NELL2: variants seen among roughly 807,000 people sequenced by gnomAD.
The protein encoded by NELL2 is neural EGFL like 2.
In NELL2, 41 loss-of-function variants were observed where a neutral mutation model predicts 109.6. The observed-to-expected ratio is 0.37, with a 90% CI of 0.29 to 0.49. The LOEUF (loss-of-function observed/expected upper bound fraction) is 0.49, where lower values mean the gene tolerates loss of function less well. Ranked by LOEUF, NELL2 falls within the 20% of genes least tolerant of loss-of-function variation. NELL2 has a pLI of 0.98. For synonymous variants in NELL2, 355 were observed against 344.7 expected, an observed-to-expected ratio of 1.03 and a Z score of -0.33; for missense variants, 900 against 1,008.3, an observed-to-expected ratio of 0.89 and a Z score of 1.45.
chr12:44,558,039 G>C (rs10748398), intron 15 of NELL2, among the ~76,000 whole-genome samples: 7 of 151,970 alleles, frequency 4.6e-5, no homozygotes, highest in Non-Finnish European at 8.8e-5. Flanking sequence ...AAATAGAGAC[G>C]GGAAATACAG....
intron 3 of NELL2, among the ~76,000 whole-genome samples, chr12:44,786,811 G>A (rs1471047146): frequency 6.6e-6 from 1 of 152,142 alleles, no homozygotes; most frequent in Non-Finnish European, 1.5e-5. Context: ...TCACTCATAA[G>A]TGGGAGTTGA....
chr12:44,832,865 T>C (rs1370474817), intron 2 of NELL2, among the ~76,000 whole-genome samples: 1 of 152,210 alleles, frequency 6.6e-6, no homozygotes, highest in Non-Finnish European at 1.5e-5. Context: ...TAGTCCTTTC[T>C]AGCATTCTAA....
intron 2 of NELL2, among the ~76,000 whole-genome samples, chr12:44,831,453 A>G (rs1188909665): frequency 6.6e-6 from 1 of 152,192 alleles, no homozygotes; most frequent in African/African-American, 2.4e-5. Context: ...AATGAAGATC[A>G]GGAATAATCC....
chr12:44,529,970 C>A (rs1941966823), intron 16 of NELL2, among the ~76,000 whole-genome samples: 1 of 152,158 alleles, frequency 6.6e-6, no homozygotes. Flanking sequence ...GGCCGCCACT[C>A]CTGACTCTTT....
intron 13 of NELL2, among the ~76,000 whole-genome samples, chr12:44,647,558 T>G (rs1947138075): frequency 6.6e-6 from 1 of 152,084 alleles, no homozygotes; most frequent in South Asian, 2.1e-4. Flanking sequence ...GCTATAGAAA[T>G]GCAGATGAAA....
At chr12:44,894,429 A>G (rs545509114) in intron 1 of NELL2, among the ~76,000 whole-genome samples, 5 of 152,362 alleles carry the variant, frequency 3.3e-5, no homozygotes, top group African/African-American at 1.2e-4. Context: ...ATTTTTATCT[A>G]AAGCAAGGTA....
chr12:44,701,758 C>G (rs958732592), intron 12 of NELL2, among the ~76,000 whole-genome samples: 9 of 152,018 alleles, frequency 5.9e-5, no homozygotes, highest in African/African-American at 9.7e-5. Context: ...ACTGCAATAG[C>G]CTTCCAACTC....
intron 3 of NELL2, among the ~76,000 whole-genome samples, chr12:44,811,574 G>T (rs1278248526): frequency 2.6e-5 from 4 of 151,984 alleles, no homozygotes; most frequent in Admixed American, 2.0e-4. Flanking sequence ...CACTGTGCCT[G>T]GCTAGTATTT....
In NELL2 at chr12:44,876,262, C is replaced by G; in HGVS notation, c.-393G>C. The G allele has an allele frequency of 6.0e-6, 7 of 1,161,820 alleles. No homozygotes were observed. Among genetic ancestry groups the G allele is most frequent in the Non-Finnish European group, 7.4e-6 (7 of 940,802 alleles). The allele number at this position is 1,161,820 out of a possible 1,614,324, so 72.0% of individuals were successfully genotyped here. On this transcript the variant is annotated 5_prime_UTR_variant, in exon 1 of 20. Coordinates refer to ENST00000429094, the MANE Select transcript of NELL2 (RefSeq NM_001145108.2). ...CAAGAAAGCCCGGGCTGGGGCGGCCCCGCACCCCCCCGTCTTCCCCGCCGC... is the reference window on the plus strand; with the variant it reads ...CAAGAAAGCCCGGGCTGGGGCGGCCGCGCACCCCCCCGTCTTCCCCGCCGC...
intron 13 of NELL2, among the ~76,000 whole-genome samples, chr12:44,652,995 G>A (rs7299592): frequency 0.29 from 43,462 of 151,956 alleles, 6,464 homozygotes; most frequent in East Asian, 0.5. Flanking sequence ...ATTAGATTGG[G>A]ACCACCTGGA....
chr12:44,843,175 A>C (rs1420460178), intron 2 of NELL2, among the ~76,000 whole-genome samples: 2 of 152,118 alleles, frequency 1.3e-5, no homozygotes, highest in Non-Finnish European at 2.9e-5. Flanking sequence ...TTGTAACTAG[A>C]ATATGAAAAA....
chr12:44,735,426 T>A (rs1939590097), intron 9 of NELL2, among the ~76,000 whole-genome samples: 1 of 151,882 alleles, frequency 6.6e-6, no homozygotes, highest in Non-Finnish European at 1.5e-5. Flanking sequence ...GGCTTGAGTC[T>A]CCCTGAAAAA....
chr12:44,702,036 T>C (rs1313383735), intron 12 of NELL2, among the ~76,000 whole-genome samples: 1 of 152,126 alleles, frequency 6.6e-6, no homozygotes, highest in Non-Finnish European at 1.5e-5. Context: ...TTCCACTTTT[T>C]ATTCTTCTGG....
In NELL2 at chr12:44,518,022, C is replaced by A. The variant is rs114338651; in HGVS notation, c.2400+1983G>T. Among the ~76,000 whole-genome samples, 760 of 152,078 alleles carry A rather than the reference C, an allele frequency of 5.0e-3. 8 individuals carry two copies. Among genetic ancestry groups the A allele is most frequent in the African/African-American group, 0.016 (646 of 41,492 alleles). On this transcript the variant is annotated intron_variant, in intron 19 of 19. Coordinates refer to ENST00000429094, the MANE Select transcript of NELL2 (RefSeq NM_001145108.2). ...AAAATAAATGTAATAAAAATGAGTACTTGAGATAAATTTGACAAAACTGAG... is the reference window on the plus strand; with the variant it reads ...AAAATAAATGTAATAAAAATGAGTAATTGAGATAAATTTGACAAAACTGAG...
chr12:44,711,336 G>T lies in NELL2; in HGVS notation c.1145C>A (p.Ser382Tyr). Residue 382 changes from serine (S) to tyrosine (Y), a missense_variant, in exon 11 of 20, where the codon TCT (serine) becomes TAT (tyrosine). This residue lies in a region of NELL2 where 292 missense variants were observed against 265.3 expected (regional missense o/e 1.10). Coordinates refer to ENST00000429094, the MANE Select transcript of NELL2 (RefSeq NM_001145108.2). ...GCTGTGAGACAAGGTTATCTGATGA[G>T]ACTCTGGACAATCCAAAGCTGGACA... The part of the protein sequence containing the change: ...SGCPALDCPE[S>Y]HQITLSHSCC... 6.2e-7 allele frequency: 1 copy of T among 1,612,602 alleles called. No individual in the cohort carries two copies. Among genetic ancestry groups the T allele is most frequent in the Non-Finnish European group, 8.5e-7 (1 of 1,178,958 alleles).
chr12:44,661,215 C>T (rs1034384739), intron 13 of NELL2, among the ~76,000 whole-genome samples: 3 of 152,184 alleles, frequency 2.0e-5, no homozygotes, highest in Non-Finnish European at 4.4e-5. Context: ...GCAGCCCATC[C>T]TAAGGGAAGA....
chr12:44,765,386 A>G (rs1013804167), intron 9 of NELL2, among the ~76,000 whole-genome samples: 9 of 148,928 alleles, frequency 6.0e-5, no homozygotes, highest in Non-Finnish European at 1.2e-4. Context: ...TAACTAAAGT[A>G]TACAGTCAAT....
intron 15 of NELL2, among the ~76,000 whole-genome samples, chr12:44,580,200 C>G (rs1944271556): frequency 2.6e-5 from 4 of 152,086 alleles, no homozygotes; most frequent in Admixed American, 2.6e-4. Flanking sequence ...TCTGGTATAA[C>G]CTTCTTAACT....
chr12:44,694,236 T>C (rs1015172194), intron 12 of NELL2, among the ~76,000 whole-genome samples: 1 of 152,138 alleles, frequency 6.6e-6, no homozygotes, highest in Non-Finnish European at 1.5e-5. Flanking sequence ...ATACAATCAA[T>C]TGAAGACTTG....
Sources: gnomAD v4.1 joint callset for allele counts (sites outside exome capture counted in the v4.1 genomes callset) on GRCh38, gnomAD v4.1.1 for gene constraint, gnomAD v4.1.1 regional missense constraint, MANE v1.5 for transcripts, NCBI Gene and HGNC (gene_info 2026-07-23, HGNC 2026-07-21) for gene names.